The following STARD13 variants were observed in gnomAD, a reference collection of about 807,000 sequenced individuals.
The protein encoded by STARD13 is stAR-related lipid transfer protein 13.
A neutral mutation model predicts 106.4 loss-of-function variants in STARD13; 62 were observed. The ratio of observed to expected loss-of-function variants is 0.58; its 90% confidence interval spans 0.48 to 0.72. STARD13 has a LOEUF of 0.72. Ranked by LOEUF, STARD13 falls within the 30% of genes least tolerant of loss-of-function variation. The pLI, the probability that STARD13 is intolerant of heterozygous loss-of-function variation, is 0.00. For synonymous variants in STARD13, 565 were observed against 553.0 expected, an observed-to-expected ratio of 1.02 and a Z score of -0.31; for missense variants, 1,387 against 1,424.0, an observed-to-expected ratio of 0.97 and a Z score of 0.42.
chr13:33,525,473 TTAAC>T, the STARD13 span, among the ~76,000 whole-genome samples: 1 of 152,230 alleles, frequency 6.6e-6, no homozygotes, highest in East Asian at 1.9e-4. Context: ...TTTCTGAAGG[TTAAC>T]TATGCAAATA....
At chr13:33,377,701 A>G in the STARD13 span, among the ~76,000 whole-genome samples, 2 of 152,154 alleles carry the variant, frequency 1.3e-5, no homozygotes, top group African/African-American at 2.4e-5. Flanking sequence ...AGGGAAGATG[A>G]TATAATATTC....
At chr13:33,224,531 A>G (rs1252134924) in intron 1 of STARD13, among the ~76,000 whole-genome samples, 2 of 152,208 alleles carry the variant, frequency 1.3e-5, no homozygotes, top group South Asian at 2.1e-4. Flanking sequence ...GTCTCACCAC[A>G]GTTACAGGAA....
intron 1 of STARD13, among the ~76,000 whole-genome samples, chr13:33,303,552 T>C (rs1369473864): frequency 6.6e-6 from 1 of 152,182 alleles, no homozygotes; most frequent in African/African-American, 2.4e-5. Flanking sequence ...AAGTTTTGAT[T>C]GACAGATGAT....
chr13:33,665,441 A>G, the STARD13 span, among the ~76,000 whole-genome samples: 1,415 of 152,354 alleles, frequency 9.3e-3, 16 homozygotes, highest in South Asian at 0.021. Context: ...ATGGTCAAGA[A>G]TTAATGGCTA....
At chr13:33,255,808 G>A (rs892075951) in intron 1 of STARD13, among the ~76,000 whole-genome samples, 1 of 152,156 alleles carries the variant, frequency 6.6e-6, no homozygotes, top group Non-Finnish European at 1.5e-5. Context: ...GCAGGGAAGA[G>A]ACCTCCAGGA....
chr13:33,108,691 T>C (rs1057285331), intron 12 of STARD13, among the ~76,000 whole-genome samples: 2 of 152,044 alleles, frequency 1.3e-5, no homozygotes, highest in Non-Finnish European at 1.5e-5. Flanking sequence ...GGTTGCCGGA[T>C]GGATGGAAGG....
the STARD13 span, among the ~76,000 whole-genome samples, chr13:33,378,925 C>A: frequency 6.6e-6 from 1 of 151,828 alleles, no homozygotes; most frequent in African/African-American, 2.4e-5. Context: ...GCCTGGGCAA[C>A]ATGGTGGAGC....
At chr13:33,642,261 T>C in the STARD13 span, among the ~76,000 whole-genome samples, 4 of 152,254 alleles carry the variant, frequency 2.6e-5, no homozygotes, top group Admixed American at 2.0e-4. Context: ...GCTCAAAAAA[T>C]AAACACCTGG....
chr13:33,266,724 G>A (rs1235202317), intron 1 of STARD13, among the ~76,000 whole-genome samples: 1 of 152,126 alleles, frequency 6.6e-6, no homozygotes, highest in Non-Finnish European at 1.5e-5. Flanking sequence ...ACTTCTAAGT[G>A]CCTGTTTTGA....
chr13:33,605,238 CAAA>C, the STARD13 span, among the ~76,000 whole-genome samples: 15 of 84,764 alleles, frequency 1.8e-4, no homozygotes, highest in Non-Finnish European at 1.8e-4. Flanking sequence ...GATCCTGTCT[CAAA>C]AAAAAAAAAA....
At chr13:33,527,755 A>G in the STARD13 span, among the ~76,000 whole-genome samples, 1 of 151,862 alleles carries the variant, frequency 6.6e-6, no homozygotes, top group South Asian at 2.1e-4. Context: ...TAAATTTTAT[A>G]TAATATTTAA....
At chr13:33,529,597 A>AGG in the STARD13 span, among the ~76,000 whole-genome samples, 1 of 152,170 alleles carries the variant, frequency 6.6e-6, no homozygotes, top group Admixed American at 6.6e-5. Flanking sequence ...CTCTAAACTA[A>AGG]GGAGAAAGGG....
At chr13:33,535,510 A>G in the STARD13 span, among the ~76,000 whole-genome samples, 2,526 of 152,302 alleles carry the variant, frequency 0.017, 68 homozygotes, top group African/African-American at 0.056. Flanking sequence ...TAGTAACTTA[A>G]AAATACAACT....
chr13:33,638,323 T>C, the STARD13 span, among the ~76,000 whole-genome samples: 3 of 152,082 alleles, frequency 2.0e-5, no homozygotes, highest in African/African-American at 7.2e-5. Context: ...AAGACATAAG[T>C]GAGACATAAG....
chr13:33,281,803 T>C (rs764832879), intron 1 of STARD13, among the ~76,000 whole-genome samples: 1 of 152,078 alleles, frequency 6.6e-6, no homozygotes, highest in African/African-American at 2.4e-5. Flanking sequence ...AGTTGAATGG[T>C]GGTTGCCAAA....
At chr13:33,630,577 T>C in the STARD13 span, among the ~76,000 whole-genome samples, 1 of 152,198 alleles carries the variant, frequency 6.6e-6, no homozygotes, top group East Asian at 1.9e-4. Flanking sequence ...ACCAAGTCCC[T>C]AGTGACCTAT....
intron 1 of STARD13, among the ~76,000 whole-genome samples, chr13:33,256,826 G>A (rs560330143): frequency 1.3e-5 from 2 of 152,126 alleles, no homozygotes; most frequent in Non-Finnish European, 2.9e-5. Flanking sequence ...AGTATAATTT[G>A]TTTATATATT....
chr13:33,542,215 T>G, the STARD13 span, among the ~76,000 whole-genome samples: 1 of 152,164 alleles, frequency 6.6e-6, no homozygotes, highest in Admixed American at 6.5e-5. Context: ...GAATAAACAC[T>G]GAAAGATGAA....
the STARD13 span, among the ~76,000 whole-genome samples, chr13:33,401,980 T>G: frequency 6.6e-6 from 1 of 152,240 alleles, no homozygotes; most frequent in East Asian, 1.9e-4. Flanking sequence ...TGAGTAGTTA[T>G]TACATGTCTT....
Sources: gnomAD v4.1 joint callset for allele counts (sites outside exome capture counted in the v4.1 genomes callset) on GRCh38, gnomAD v4.1.1 for gene constraint, MANE v1.5 for transcripts, NCBI Gene and HGNC (gene_info 2026-07-23, HGNC 2026-07-21) for gene names.